The following GALNT14 variants were observed in gnomAD, a reference collection of about 807,000 sequenced individuals.
The protein encoded by GALNT14 is UDP-GalNAc:polypeptide N-acetylgalactosaminyltransferase 14.
In GALNT14, 60 loss-of-function variants were observed where a neutral mutation model predicts 77.5. The observed-to-expected ratio is 0.77, with a 90% confidence interval of 0.63 to 0.96. The LOEUF (loss-of-function observed/expected upper bound fraction) is 0.96. GALNT14 is among the 40% of genes least tolerant of loss of function. GALNT14 has a pLI of 0.00. For synonymous variants in GALNT14, 280 were observed against 281.7 expected, an observed-to-expected ratio of 0.99 and a Z score of 0.06; for missense variants, 710 against 731.0, an observed-to-expected ratio of 0.97 and a Z score of 0.33.
At chr2:31,075,181 T>A (rs1395456498) in intron 1 of GALNT14, among the ~76,000 whole-genome samples, 1 of 152,202 alleles carries the variant, frequency 6.6e-6, no homozygotes, top group African/African-American at 2.4e-5. Context: ...ACAGAGCACG[T>A]GAGATGCCTG....
chr2:30,970,677 C>T (rs1668293374), intron 2 of GALNT14, among the ~76,000 whole-genome samples: 2 of 152,236 alleles, frequency 1.3e-5, no homozygotes, highest in South Asian at 4.1e-4. Flanking sequence ...TCCTCCTGGT[C>T]TCTGAGACCC....
At chr2:31,055,204 C>T (rs1674134625) in intron 1 of GALNT14, among the ~76,000 whole-genome samples, 1 of 152,200 alleles carries the variant, frequency 6.6e-6, no homozygotes, top group Non-Finnish European at 1.5e-5. Context: ...AATGGATCAT[C>T]CATTTAATGC....
At chr2:30,993,645 G>A (rs561340170) in intron 1 of GALNT14, among the ~76,000 whole-genome samples, 1 of 152,344 alleles carries the variant, frequency 6.6e-6, no homozygotes, top group East Asian at 1.9e-4. Flanking sequence ...ATGGGGGAGT[G>A]AGTAACAACC....
chr2:31,121,476 C>T (rs1453364442), intron 1 of GALNT14, among the ~76,000 whole-genome samples: 1 of 152,198 alleles, frequency 6.6e-6, no homozygotes, highest in Non-Finnish European at 1.5e-5. Context: ...TGAACAAAGT[C>T]CCCAGTGAGT....
chr2:30,912,370 G>A (rs1308727012), intron 13 of GALNT14, 28 bp from the exon 14 acceptor site: 2 of 1,611,632 alleles, frequency 1.2e-6, no homozygotes, highest in South Asian at 1.1e-5. Context: ...AGGAAGGTTT[G>A]TTCAGGATCC....
At chr2:31,065,726 C>T (rs1028388861) in intron 1 of GALNT14, among the ~76,000 whole-genome samples, 3 of 152,286 alleles carry the variant, frequency 2.0e-5, no homozygotes, top group East Asian at 3.9e-4. Flanking sequence ...ACATTCAAAT[C>T]GTGCTGGGGA....
intron 1 of GALNT14, among the ~76,000 whole-genome samples, chr2:31,117,701 A>C (rs1258171280): frequency 6.6e-6 from 1 of 152,218 alleles, no homozygotes; most frequent in Non-Finnish European, 1.5e-5. Context: ...GATACTACCC[A>C]AACTGACCAA....
chr2:31,117,035 C>G (rs1458368083), intron 1 of GALNT14, among the ~76,000 whole-genome samples: 2 of 151,438 alleles, frequency 1.3e-5, no homozygotes, highest in African/African-American at 2.4e-5. Context: ...GAAACTCTAT[C>G]TCAGAAAAAA....
intron 1 of GALNT14, among the ~76,000 whole-genome samples, chr2:31,060,339 C>T (rs1035027819): frequency 6.6e-6 from 1 of 152,198 alleles, no homozygotes; most frequent in African/African-American, 2.4e-5. Context: ...TGGACACACA[C>T]AAGCCTACCA....
chr2:30,959,964 C>G (rs1038200149), intron 3 of GALNT14, among the ~76,000 whole-genome samples: 4 of 152,150 alleles, frequency 2.6e-5, no homozygotes, highest in African/African-American at 9.7e-5. Flanking sequence ...CCAGGAGGAC[C>G]CTTCTGAGCC....
chr2:30,971,786 T>G (rs1217315208), intron 2 of GALNT14, among the ~76,000 whole-genome samples: 1 of 151,270 alleles, frequency 6.6e-6, no homozygotes, highest in African/African-American at 2.4e-5. Context: ...ATGTGACAAC[T>G]TGGCATGTCA....
the GALNT14 span, among the ~76,000 whole-genome samples, chr2:30,891,854 T>C: frequency 1.3e-5 from 2 of 152,186 alleles, no homozygotes; most frequent in Admixed American, 6.5e-5. Flanking sequence ...AAAGCATTTA[T>C]TTGTTCTCTT....
Position 30,944,890 on chromosome 2 carries a change from C to T in GALNT14, c.795G>A (p.Lys265=), listed in dbSNP as rs568015783. 1 of 1,611,316 alleles carries T rather than the reference C, an allele frequency of 6.2e-7. No individual in the cohort carries two copies. The highest frequency in any genetic ancestry group is 2.2e-5 in the East Asian group (1 of 44,828). ...FQWEQLSPEQ[K]ARRLDPTEPI... is the part of the protein sequence containing the mutation. ...GCTCCGTGGGGTCCAGGCGCCGAGC[C>T]TTCTGCTCTGGGGAGAGCTGCTCCC... Residue 265 remains lysine (K), a synonymous_variant, in exon 8 of 15, where the codon AAG becomes AAA. Transcript: ENST00000349752.
intron 13 of GALNT14, among the ~76,000 whole-genome samples, chr2:30,912,749 C>G (rs1323289282): frequency 6.6e-6 from 1 of 152,194 alleles, no homozygotes; most frequent in Non-Finnish European, 1.5e-5. Context: ...CTCCCCACCC[C>G]TCCATACCAG....
intron 9 of GALNT14, among the ~76,000 whole-genome samples, chr2:30,933,055 T>C (rs947738770): frequency 1.3e-5 from 2 of 152,140 alleles, no homozygotes; most frequent in African/African-American, 2.4e-5. Context: ...AGGCTTGAAG[T>C]AGTGCTTCTG....
chr2:31,044,751 CTACAAAAA>C (rs36222209), intron 1 of GALNT14, among the ~76,000 whole-genome samples: 63,809 of 150,894 alleles, frequency 0.42, 13,735 homozygotes, highest in East Asian at 0.53. Context: ...AATTCCATCT[CTACAAAAA>C]TACAAAAATA....
chr2:31,123,098 C>A (rs1269616193), intron 1 of GALNT14, among the ~76,000 whole-genome samples: 1 of 142,742 alleles, frequency 7.0e-6, no homozygotes, highest in Non-Finnish European at 1.5e-5. Context: ...AGGAGGACGG[C>A]ATGAACTCAG....
At chr2:31,057,747 C>T (rs1573263322) in intron 1 of GALNT14, among the ~76,000 whole-genome samples, 1 of 152,046 alleles carries the variant, frequency 6.6e-6, no homozygotes, top group East Asian at 1.9e-4. Context: ...GGCTATGCTC[C>T]CTTGGCCCCT....
At chr2:31,080,155 G>T (rs563171889) in intron 1 of GALNT14, among the ~76,000 whole-genome samples, 1 of 152,344 alleles carries the variant, frequency 6.6e-6, no homozygotes, top group East Asian at 1.9e-4. Flanking sequence ...AGTGAAAACA[G>T]TAACTCAAGT....
Sources: allele counts gnomAD v4.1 joint callset (sites outside exome capture counted in the v4.1 genomes callset), GRCh38; gene constraint gnomAD v4.1.1; transcripts MANE v1.5; gene names NCBI Gene and HGNC (gene_info 2026-07-23, HGNC 2026-07-21).